TP73: variants seen among roughly 807,000 people sequenced by gnomAD.
TP73 encodes tumor protein p73.
Under a neutral mutation model 62.5 loss-of-function variants are expected in TP73, and 25 were observed. That is an observed-to-expected ratio of 0.40 (90% CI 0.29 to 0.56). The LOEUF (loss-of-function observed/expected upper bound fraction) is 0.56, where lower values mean the gene tolerates loss of function less well. TP73 is among the 20% of genes least tolerant of loss of function. The probability of loss-of-function intolerance (pLI) is 0.46; values close to 1 mark genes in which losing one functional copy is unlikely to be tolerated. For synonymous variants in TP73, 423 were observed against 377.5 expected (o/e 1.12, Z -1.40); for missense variants, 754 against 913.3 (o/e 0.83, Z 2.25).
At chr1:3,706,061 C>T (rs972548503) in intron 3 of TP73, among the ~76,000 whole-genome samples, 2 of 152,062 alleles carry the variant, frequency 1.3e-5, no homozygotes, top group African/African-American at 2.4e-5. Context: ...AGAGTGTGCT[C>T]ACAGCACACC....
At chr1:3,704,505 T>G (rs1242540034) in intron 3 of TP73, among the ~76,000 whole-genome samples, 1 of 152,088 alleles carries the variant, frequency 6.6e-6, no homozygotes, top group Non-Finnish European at 1.5e-5. Context: ...TTCCGGAGAA[T>G]GGCTAGAAAG....
chr1:3,719,935 T>TGTGTGTGTGA (rs376481906), intron 4 of TP73, among the ~76,000 whole-genome samples: 1 of 146,278 alleles, frequency 6.8e-6, no homozygotes, highest in Admixed American at 6.9e-5. Flanking sequence ...TGTGTGTGTG[T>TGTGTGTGTGA]GACGGATTCT....
rs1183878281 is a variant in TP73 at position 3,696,310 on chromosome 1, A to C, written c.187-11239A>C. ...TTGCAGGAGGCTCTGCTGCTCCCCA[A>C]GGCAGGAAAGGCCGGCAGGGTCTGG... On this transcript the variant is annotated intron_variant, in intron 3 of 13. Coordinates refer to ENST00000378295, the MANE Select transcript of TP73 (RefSeq NM_005427.4). This position sits in a 1 kb window ranked among gnomAD's most constrained non-coding sequence, Gnocchi z 4.1. Among the ~76,000 whole-genome samples the C allele has an allele frequency of 6.6e-6, 1 of 152,028 alleles. No individual in the cohort carries two copies. The highest frequency in any genetic ancestry group is 2.4e-5 in the African/African-American group (1 of 41,386).
At chr1:3,704,064 G>T (rs1373514061) in intron 3 of TP73, among the ~76,000 whole-genome samples, 1 of 152,310 alleles carries the variant, frequency 6.6e-6, no homozygotes, top group Non-Finnish European at 1.5e-5. Flanking sequence ...TGGGGGAGCC[G>T]TCCTGCATTC....
chr1:3,706,419 G>A (rs1186188722), intron 3 of TP73, among the ~76,000 whole-genome samples: 11 of 139,176 alleles, frequency 7.9e-5, no homozygotes, highest in African/African-American at 2.8e-4. Context: ...CCGCAGGCCC[G>A]GGGAGGGGGG....
chr1:3,695,760 T>C (rs1024441611), intron 3 of TP73, among the ~76,000 whole-genome samples: 11 of 152,216 alleles, frequency 7.2e-5, no homozygotes, highest in African/African-American at 2.7e-4. Flanking sequence ...GCAGACGTTC[T>C]GGGAGGGCCC....
rs1570391737 is a variant in TP73 at position 3,670,959 on chromosome 1, C to T, written c.-33-11374C>T. 6.6e-6 allele frequency among the ~76,000 whole-genome samples: 1 copy of T among 152,182 alleles called. No homozygotes were observed. Among genetic ancestry groups the T allele is most frequent in the African/African-American group, 2.4e-5 (1 of 41,450 alleles). Reference sequence around the variant, plus strand: ...GTCAGCATGTGAATGTCTCTCCATGCGATGGGTGCTGGGAGGGAGGAGCCC... The same window carrying T: ...GTCAGCATGTGAATGTCTCTCCATGTGATGGGTGCTGGGAGGGAGGAGCCC... On this transcript the variant is annotated intron_variant, in intron 1 of 13. Transcript: ENST00000378295. This position sits in a 1 kb window ranked among gnomAD's most constrained non-coding sequence, Gnocchi z 5.9.
chr1:3,683,855 A>G (rs3765709), intron 3 of TP73, among the ~76,000 whole-genome samples: 29,139 of 152,228 alleles, frequency 0.19, 2,954 homozygotes, highest in Admixed American at 0.28. Context: ...GCCTCCCCAC[A>G]CAGGGACCCC....
At chr1:3,730,302 C>G (rs1435200961) in intron 11 of TP73, among the ~76,000 whole-genome samples, 154 bp downstream of exon 11, 2 of 152,260 alleles carry the variant, frequency 1.3e-5, no homozygotes, top group African/African-American at 4.8e-5. Context: ...GGAGGCGCAG[C>G]CACGGATAGC....
At chr1:3,698,744 C>T (rs1251129587) in intron 3 of TP73, among the ~76,000 whole-genome samples, 5 of 152,070 alleles carry the variant, frequency 3.3e-5, no homozygotes, top group Admixed American at 6.5e-5. Flanking sequence ...CGTGGAGGCC[C>T]GGGGGGCACC....
intron 3 of TP73, among the ~76,000 whole-genome samples, chr1:3,686,221 C>T (rs574626004): frequency 7.2e-5 from 11 of 152,366 alleles, no homozygotes; most frequent in Non-Finnish European, 1.3e-4. Flanking sequence ...TGGTCCTCTG[C>T]AGTGGGGCGT....
At chr1:3,726,921 G>A (rs1329706902) in intron 6 of TP73, among the ~76,000 whole-genome samples, 194 bp from the exon 7 acceptor site, 1 of 150,674 alleles carries the variant, frequency 6.6e-6, no homozygotes, top group Non-Finnish European at 1.5e-5. Context: ...ATGGATGGAC[G>A]GATGGATGGA....
chr1:3,700,422 G>A (rs2124338354), intron 3 of TP73, among the ~76,000 whole-genome samples: 1 of 152,186 alleles, frequency 6.6e-6, no homozygotes, highest in Non-Finnish European at 1.5e-5. Context: ...TCTGATAAAA[G>A]GCACTGTGGA....
rs1639159903 is a variant in TP73, at chr1:3,701,426, A to G, written c.187-6123A>G. 6.6e-6 allele frequency among the ~76,000 whole-genome samples: 1 copy of G among 152,082 alleles called. No individual in the cohort carries two copies. Among genetic ancestry groups the G allele is most frequent in the South Asian group, 2.1e-4 (1 of 4,824 alleles). On this transcript the variant is annotated intron_variant, in intron 3 of 13. Transcript: ENST00000378295. The surrounding 1 kb of genome is among the most constrained non-coding windows in gnomAD (Gnocchi z 4.7). Reference sequence around the variant, plus strand: ...CCAGGAGGGCTCCCGGGCGAGAGTCACTTCCGATGAAGTCTCAGGTTACCA... The same window carrying G: ...CCAGGAGGGCTCCCGGGCGAGAGTCGCTTCCGATGAAGTCTCAGGTTACCA...
rs547376548 is a variant in TP73 at position 3,661,679 on chromosome 1, C to T, written c.-34+9038C>T. ...GAGCTGAGATCGCACCACTGTACTC[C>T]AGCCTGAGCAACAAACTGTATATAC... On this transcript the variant is annotated intron_variant, in intron 1 of 13. Coordinates refer to ENST00000378295, the MANE Select transcript of TP73 (RefSeq NM_005427.4). Among the ~76,000 whole-genome samples, 26 of 149,878 alleles carry T rather than the reference C, an allele frequency of 1.7e-4. 1 individual carries two copies. The South Asian group carries it at 5.5e-3, about 32-fold the overall frequency.
Position 3,729,538 on chromosome 1 carries a change from A to C in TP73, c.1196+90A>C. 12 of 1,595,736 alleles carry C rather than the reference A, an allele frequency of 7.5e-6. No homozygotes were observed. In the Middle Eastern group the frequency reaches 5.0e-4, roughly 66 times the overall value. ...GGCCAGGAGGACCAGAAACCCCTCC[A>C]GAAGGCATCATCTGCCAGGGACAGG... On this transcript the variant is annotated intron_variant, in intron 10 of 13. Coordinates refer to ENST00000378295, the MANE Select transcript of TP73 (RefSeq NM_005427.4).
intron 4 of TP73, among the ~76,000 whole-genome samples, chr1:3,709,079 T>C (rs1246443200): frequency 6.6e-6 from 1 of 152,184 alleles, no homozygotes; most frequent in Non-Finnish European, 1.5e-5. Context: ...GAGCCTAAGG[T>C]AGACTGTCAG....
intron 3 of TP73, among the ~76,000 whole-genome samples, chr1:3,706,995 G>T (rs1387453127): frequency 1.3e-5 from 2 of 152,030 alleles, no homozygotes; most frequent in Non-Finnish European, 2.9e-5. Context: ...TTGAACAGCA[G>T]TTCCACCTTA....
chr1:3,679,634 CTCTG>C (rs1645466081), intron 1 of TP73, among the ~76,000 whole-genome samples: 2 of 151,120 alleles, frequency 1.3e-5, no homozygotes, highest in Admixed American at 6.6e-5. Context: ...GTCCCTGTCT[CTCTG>C]TCTCTGTCTC....
Sources: gnomAD v4.1 joint callset for allele counts (sites outside exome capture counted in the v4.1 genomes callset) on GRCh38, gnomAD v4.1.1 for gene constraint, Gnocchi (gnomAD v3.1) non-coding constraint, MANE v1.5 for transcripts, NCBI Gene and HGNC (gene_info 2026-07-23, HGNC 2026-07-21) for gene names.